SCFD1: variants seen among roughly 807,000 people sequenced by gnomAD.
SCFD1 encodes the protein sec1 family domain-containing protein 1.
A neutral mutation model predicts 103.2 loss-of-function variants in SCFD1; 37 were observed. The ratio of observed to expected loss-of-function variants is 0.36; its 90% CI spans 0.28 to 0.47. The LOEUF (loss-of-function observed/expected upper bound fraction) is 0.47. Ranked by LOEUF, SCFD1 falls within the 20% of genes least tolerant of loss-of-function variation. SCFD1 has a pLI of 1.00. For missense variants in SCFD1, 639 were observed against 761.2 expected, an observed-to-expected ratio of 0.84 and a Z score of 1.89; for synonymous variants, 264 against 245.0, an observed-to-expected ratio of 1.08 and a Z score of -0.73.
At chr14:30,659,069 T>A (rs1021911681) in intron 10 of SCFD1, among the ~76,000 whole-genome samples, 14 of 152,172 alleles carry the variant, frequency 9.2e-5, no homozygotes, top group African/African-American at 3.4e-4. Context: ...TGTTTCAGTA[T>A]ATCTCCATAT....
At chr14:30,700,379 T>A in intron 16 of SCFD1, 121 bp downstream of exon 16, 1 of 749,458 alleles carries the variant, frequency 1.3e-6, no homozygotes, top group Non-Finnish European at 2.2e-6. Flanking sequence ...TTTCTTTCTT[T>A]AAAAGAAAAA....
At chr14:30,695,015 A>G in intron 15 of SCFD1, 146 bp downstream of exon 15, 1 of 1,427,202 alleles carries the variant, frequency 7.0e-7, no homozygotes, top group Non-Finnish European at 9.2e-7. Flanking sequence ...TTCTGGTAAA[A>G]TTTTATAACT....
intron 10 of SCFD1, among the ~76,000 whole-genome samples, chr14:30,656,930 T>C (rs1424934484): frequency 3.3e-5 from 5 of 152,088 alleles, no homozygotes; most frequent in Non-Finnish European, 7.4e-5. Context: ...AGATGGGGTC[T>C]CAGTGGGATT....
At chr14:30,711,610 A>G (rs1292198797) in intron 19 of SCFD1, among the ~76,000 whole-genome samples, 1 of 152,216 alleles carries the variant, frequency 6.6e-6, no homozygotes, top group African/African-American at 2.4e-5. Flanking sequence ...TCAAAACATC[A>G]TGTTGTACAC....
At chr14:30,625,686 T>C (rs1274373064) in intron 1 of SCFD1, among the ~76,000 whole-genome samples, 1 of 152,020 alleles carries the variant, frequency 6.6e-6, no homozygotes, top group Non-Finnish European at 1.5e-5. Context: ...CATATAGGTA[T>C]ACCTATATAG....
intron 15 of SCFD1, among the ~76,000 whole-genome samples, chr14:30,696,338 A>G (rs1165192484): frequency 6.6e-6 from 1 of 152,238 alleles, no homozygotes; most frequent in Admixed American, 6.5e-5. Flanking sequence ...AAAGTTATAT[A>G]AGTCTATCAT....
At chr14:30,635,916 C>CT (rs1341224603) in intron 4 of SCFD1, among the ~76,000 whole-genome samples, 1 of 152,082 alleles carries the variant, frequency 6.6e-6, no homozygotes, top group Non-Finnish European at 1.5e-5. Context: ...TTGCTGAACA[C>CT]TTACTATCCG....
At chr14:30,730,515 C>T (rs1009375114) in intron 23 of SCFD1, among the ~76,000 whole-genome samples, 57 of 152,206 alleles carry the variant, frequency 3.7e-4, no homozygotes, top group African/African-American at 1.4e-3. Context: ...TCCTCTCCAG[C>T]ACCTGTTGTT....
In SCFD1 at chr14:30,630,654, T is replaced by C. The variant is rs229151; in HGVS notation, c.221+89T>C. The C allele has an allele frequency of 3.3e-3, 2,581 of 788,724 alleles. 49 individuals are homozygous for C. The African/African-American group carries it at 0.038, about 12-fold the overall frequency. 48.9% of individuals were successfully genotyped at this position (788,724 alleles called of 1,614,324 possible). On this transcript the variant is annotated intron_variant, in intron 3 of 24. Coordinates refer to ENST00000458591, the MANE Select transcript of SCFD1 (RefSeq NM_016106.4). ...GTTAGGTTACAGTATTTATGTAGTATTGAACATTTTTTCCCTGTATCTTCT... is the reference window on the plus strand; with the variant it reads ...GTTAGGTTACAGTATTTATGTAGTACTGAACATTTTTTCCCTGTATCTTCT...
chr14:30,655,022 C>T (rs1048103502), intron 10 of SCFD1, among the ~76,000 whole-genome samples: 4 of 152,148 alleles, frequency 2.6e-5, no homozygotes, highest in Non-Finnish European at 4.4e-5. Flanking sequence ...TAAACCCTGG[C>T]TTCAATAGTA....
At chr14:30,665,572 A>AC (rs1887874007) in intron 10 of SCFD1, among the ~76,000 whole-genome samples, 1 of 152,084 alleles carries the variant, frequency 6.6e-6, no homozygotes, top group South Asian at 2.1e-4. Context: ...TGGGCTAAAT[A>AC]CCCCAATTAA....
chr14:30,665,177 G>T (rs555600138), intron 10 of SCFD1, among the ~76,000 whole-genome samples: 3 of 152,232 alleles, frequency 2.0e-5, no homozygotes, highest in Admixed American at 6.5e-5. Flanking sequence ...AAGCCCATCC[G>T]ACTAACAGTG....
At chr14:30,711,115 ATG>A (rs1891838610) in intron 19 of SCFD1, among the ~76,000 whole-genome samples, 1 of 152,230 alleles carries the variant, frequency 6.6e-6, no homozygotes, top group African/African-American at 2.4e-5. Context: ...AAGATGAATA[ATG>A]TAGCATACAG....
chr14:30,723,985 A>G (rs1286600906), intron 23 of SCFD1, among the ~76,000 whole-genome samples: 1 of 142,344 alleles, frequency 7.0e-6, no homozygotes, highest in Non-Finnish European at 1.5e-5. Flanking sequence ...TGTCTTCCAC[A>G]ATGGCTGAAC....
chr14:30,682,605 A>G (rs2139261446), intron 14 of SCFD1, among the ~76,000 whole-genome samples: 1 of 152,344 alleles, frequency 6.6e-6, no homozygotes, highest in East Asian at 1.9e-4. Flanking sequence ...CACTATACAT[A>G]CAATAATGAA....
chr14:30,635,716 A>C (rs992656886), intron 4 of SCFD1, among the ~76,000 whole-genome samples: 1 of 152,150 alleles, frequency 6.6e-6, no homozygotes, highest in Non-Finnish European at 1.5e-5. Context: ...TGCCATAAAT[A>C]TTCATGTGCA....
At chr14:30,628,757 TA>T (rs1883789554) in intron 2 of SCFD1, among the ~76,000 whole-genome samples, 1 of 152,222 alleles carries the variant, frequency 6.6e-6, no homozygotes, top group Admixed American at 6.5e-5. Context: ...GGAGAGCCTT[TA>T]AAAATTCCAA....
At chr14:30,713,032 G>T (rs1268209642) in intron 19 of SCFD1, among the ~76,000 whole-genome samples, 1 of 152,074 alleles carries the variant, frequency 6.6e-6, no homozygotes, top group Admixed American at 6.6e-5. Context: ...TAATATGTTA[G>T]CTGCTAAAAT....
intron 14 of SCFD1, chr14:30,676,150 T>C (rs186072580): frequency 3.3e-5 from 5 of 152,330 alleles, no homozygotes; most frequent in Admixed American, 2.6e-4. Context: ...TGTATAGATA[T>C]ATCACCAGGT....
Sources: gnomAD v4.1 joint callset for allele counts (sites outside exome capture counted in the v4.1 genomes callset) on GRCh38, gnomAD v4.1.1 for gene constraint, MANE v1.5 for transcripts, NCBI Gene and HGNC (gene_info 2026-07-23, HGNC 2026-07-21) for gene names.